FBXO36: variants seen among roughly 807,000 people sequenced by gnomAD.
FBXO36 encodes F-box only protein 36.
FBXO36 carries 18 observed loss-of-function variants against 17.0 expected under a neutral mutation model. The ratio of observed to expected loss-of-function variants is 1.06; its 90% confidence interval spans 0.73 to 1.57. The LOEUF (loss-of-function observed/expected upper bound fraction) is 1.57. FBXO36 is among the 40% of genes most tolerant of loss of function. The pLI is 0.00. For missense variants in FBXO36, 229 were observed against 221.9 expected (o/e 1.03, Z -0.20); for synonymous variants, 83 against 85.3 (o/e 0.97, Z 0.15).
At chr2:230,002,747 C>T (rs1298331860) in intron 3 of FBXO36, among the ~76,000 whole-genome samples, 4 of 152,192 alleles carry the variant, frequency 2.6e-5, no homozygotes, top group Non-Finnish European at 5.9e-5. Context: ...TCCAATCTCT[C>T]TTCTTCAAAA....
chr2:229,986,319 G>A (rs754959463), intron 2 of FBXO36, among the ~76,000 whole-genome samples: 6 of 152,002 alleles, frequency 3.9e-5, no homozygotes, highest in Non-Finnish European at 8.8e-5. Flanking sequence ...TGGGCAATGT[G>A]ATGAAACCCT....
chr2:229,984,710 T>G (rs1375202435), intron 2 of FBXO36, among the ~76,000 whole-genome samples: 1 of 152,084 alleles, frequency 6.6e-6, no homozygotes, highest in African/African-American at 2.4e-5. Context: ...TTTTAACTTG[T>G]TTTGCTCTTC....
At chr2:229,933,078 G>GA (rs1166549469) in intron 1 of FBXO36, among the ~76,000 whole-genome samples, 2 of 152,006 alleles carry the variant, frequency 1.3e-5, no homozygotes, top group South Asian at 4.1e-4. Context: ...CTCAAAAAAA[G>GA]AAAAAAATTG....
At chr2:230,009,143 C>T (rs2077401823) in intron 3 of FBXO36, among the ~76,000 whole-genome samples, 1 of 152,130 alleles carries the variant, frequency 6.6e-6, no homozygotes, top group African/African-American at 2.4e-5. Context: ...GTAGAGGTCA[C>T]ACTTACACAT....
intron 1 of FBXO36, among the ~76,000 whole-genome samples, chr2:229,925,486 GA>G (rs1028132678): frequency 1.3e-5 from 2 of 152,094 alleles, no homozygotes; most frequent in African/African-American, 4.8e-5. Context: ...TTATAAGATA[GA>G]TTTTTTTTCT....
chr2:229,940,489 G>A (rs2076992484), intron 1 of FBXO36, among the ~76,000 whole-genome samples: 1 of 152,110 alleles, frequency 6.6e-6, no homozygotes, highest in Non-Finnish European at 1.5e-5. Flanking sequence ...TATATGTTAG[G>A]GGCCGAATTA....
intron 3 of FBXO36, among the ~76,000 whole-genome samples, chr2:230,006,080 C>T (rs987492415): frequency 6.6e-6 from 1 of 151,040 alleles, no homozygotes; most frequent in African/African-American, 2.4e-5. Flanking sequence ...CTATTATTAT[C>T]CTCATTCTAT....
At chr2:229,965,241 A>G (rs1309288898) in intron 1 of FBXO36, among the ~76,000 whole-genome samples, 4 of 150,192 alleles carry the variant, frequency 2.7e-5, no homozygotes, top group African/African-American at 7.3e-5. Context: ...CAGCCTCCCA[A>G]AGTGTTGGGG....
chr2:229,924,481 A>G (rs2076893628), intron 1 of FBXO36, among the ~76,000 whole-genome samples: 1 of 152,066 alleles, frequency 6.6e-6, no homozygotes, highest in African/African-American at 2.4e-5. Context: ...ATGATTTTCT[A>G]TTTTTATCTA....
intron 1 of FBXO36, among the ~76,000 whole-genome samples, chr2:229,929,916 A>C (rs781084201): frequency 3.3e-5 from 5 of 152,192 alleles, no homozygotes; most frequent in Non-Finnish European, 5.9e-5. Context: ...CTGCCCACTG[A>C]CCACCGTCCA....
rs767565693 is a variant in FBXO36, at chr2:229,933,155, G to A, written c.96+10546G>A. ...GCTCACACCTGTAATCCATTTGGGAGGACGAGGCGGGTGGATCACCTGAGG... is the reference window on the plus strand; with the variant it reads ...GCTCACACCTGTAATCCATTTGGGAAGACGAGGCGGGTGGATCACCTGAGG... On this transcript the variant is annotated intron_variant, in intron 1 of 3. Transcript: ENST00000283946. Among the ~76,000 whole-genome samples, 29 of 152,320 alleles carry A rather than the reference G, an allele frequency of 1.9e-4. 1 individual carries two copies. Among genetic ancestry groups the A allele is most frequent in the Non-Finnish European group, 3.4e-4 (23 of 68,026 alleles).
chr2:229,981,092 C>G (rs920126422), intron 2 of FBXO36, among the ~76,000 whole-genome samples: 1 of 152,196 alleles, frequency 6.6e-6, no homozygotes, highest in Non-Finnish European at 1.5e-5. Flanking sequence ...GCCACCAGCC[C>G]GCTGTGTGAT....
At chr2:229,926,881 C>T (rs2076915587) in intron 1 of FBXO36, among the ~76,000 whole-genome samples, 1 of 151,372 alleles carries the variant, frequency 6.6e-6, no homozygotes. Context: ...GTTTTTGCAA[C>T]AAGAGCCTCA....
At chr2:229,953,059 C>T (rs13395584) in intron 1 of FBXO36, among the ~76,000 whole-genome samples, 16 of 152,248 alleles carry the variant, frequency 1.1e-4, no homozygotes, top group Non-Finnish European at 1.6e-4. Flanking sequence ...AGAAAACGGC[C>T]GGGTGCGGTG....
chr2:229,989,719 C>A (rs2077288667), intron 2 of FBXO36, among the ~76,000 whole-genome samples: 1 of 141,946 alleles, frequency 7.0e-6, no homozygotes, highest in African/African-American at 2.6e-5. Flanking sequence ...CACCACCACG[C>A]CTGGCTAATT....
At chr2:229,979,518 A>G (rs1223130020) in intron 2 of FBXO36, among the ~76,000 whole-genome samples, 1 of 151,586 alleles carries the variant, frequency 6.6e-6, no homozygotes, top group Non-Finnish European at 1.5e-5. Flanking sequence ...AGTGGCTCAT[A>G]CCTATAATCC....
intron 3 of FBXO36, among the ~76,000 whole-genome samples, chr2:230,002,174 C>A (rs13425945): frequency 6.6e-6 from 1 of 151,840 alleles, no homozygotes; most frequent in Non-Finnish European, 1.5e-5. Context: ...TACCCAGCTT[C>A]CCCCATGTTG....
At chr2:229,945,081 C>G (rs2077019884) in intron 1 of FBXO36, 1 of 152,062 alleles carries the variant, frequency 6.6e-6, no homozygotes, top group Non-Finnish European at 1.5e-5. Flanking sequence ...TATGACTATT[C>G]TGTTTTAGAT....
At chr2:229,987,118 G>T (rs535717583) in intron 2 of FBXO36, among the ~76,000 whole-genome samples, 1 of 151,486 alleles carries the variant, frequency 6.6e-6, no homozygotes, top group East Asian at 2.0e-4. Context: ...TACTTGGGAG[G>T]CTGAGTCGTT....
Sources: gnomAD v4.1 joint callset for allele counts (sites outside exome capture counted in the v4.1 genomes callset) on GRCh38, gnomAD v4.1.1 for gene constraint, MANE v1.5 for transcripts, NCBI Gene and HGNC (gene_info 2026-07-23, HGNC 2026-07-21) for gene names.